The following KCNH1 variants were observed in gnomAD, a reference collection of about 807,000 sequenced individuals.
The protein encoded by KCNH1 is voltage-gated delayed rectifier potassium channel KCNH1.
In KCNH1, 27 loss-of-function variants were observed where a neutral mutation model predicts 69.2. The observed-to-expected ratio is 0.39, with a 90% CI of 0.29 to 0.54. The LOEUF is 0.54. Among genes scored for constraint, KCNH1 ranks in the 20% least tolerant of loss-of-function variants. The pLI, the probability that KCNH1 is intolerant of heterozygous loss-of-function variation, is 0.68. For synonymous variants in KCNH1, 456 were observed against 487.7 expected (o/e 0.93, Z 0.86); for missense variants, 798 against 1,261.6 (o/e 0.63, Z 5.57).
intron 7 of KCNH1, among the ~76,000 whole-genome samples, chr1:210,890,765 T>C (rs1049672671): frequency 1.3e-5 from 2 of 152,034 alleles, no homozygotes; most frequent in Admixed American, 1.3e-4. Flanking sequence ...AAGACATTTA[T>C]GCAGGCAACA....
chr1:210,718,673 C>T (rs1449619198), intron 10 of KCNH1, among the ~76,000 whole-genome samples: 15 of 141,274 alleles, frequency 1.1e-4, no homozygotes, highest in African/African-American at 3.2e-4. Context: ...CACACACACA[C>T]ACACACACAC....
At chr1:210,964,181 A>T (rs1370485326) in intron 6 of KCNH1, among the ~76,000 whole-genome samples, 1 of 152,186 alleles carries the variant, frequency 6.6e-6, no homozygotes, top group Non-Finnish European at 1.5e-5. Context: ...TTATATCCAG[A>T]CAAACTAATC....
intron 5 of KCNH1, among the ~76,000 whole-genome samples, chr1:211,060,848 A>T (rs1362742126): frequency 6.6e-6 from 1 of 152,190 alleles, no homozygotes; most frequent in Non-Finnish European, 1.5e-5. Flanking sequence ...AAAGCTTGGG[A>T]TTCCATGGCT....
intron 10 of KCNH1, among the ~76,000 whole-genome samples, chr1:210,748,312 T>G (rs150572582): frequency 6.6e-6 from 1 of 152,240 alleles, no homozygotes; most frequent in African/African-American, 2.4e-5. Flanking sequence ...CACACACATC[T>G]CACACTCAAT....
At chr1:211,036,794 T>C (rs975986262) in intron 5 of KCNH1, among the ~76,000 whole-genome samples, 8 of 152,186 alleles carry the variant, frequency 5.3e-5, no homozygotes, top group Non-Finnish European at 1.0e-4. Context: ...TTGATTAGTC[T>C]TGTACAATGG....
intron 10 of KCNH1, among the ~76,000 whole-genome samples, chr1:210,715,905 C>T (rs1007467856): frequency 4.6e-5 from 7 of 152,020 alleles, no homozygotes; most frequent in South Asian, 2.1e-4. Context: ...CATTCTCAGA[C>T]AAAAGAACGA....
intron 6 of KCNH1, among the ~76,000 whole-genome samples, chr1:210,939,795 G>T (rs1041642723): frequency 3.9e-5 from 6 of 152,178 alleles, no homozygotes; most frequent in African/African-American, 1.4e-4. Flanking sequence ...TGACTCCCAA[G>T]TATATGTTCT....
intron 6 of KCNH1, among the ~76,000 whole-genome samples, chr1:210,945,586 G>A (rs1687943780): frequency 6.6e-6 from 1 of 152,226 alleles, no homozygotes; most frequent in African/African-American, 2.4e-5. Context: ...AGTCTTCACA[G>A]TGGTCCCCAA....
intron 7 of KCNH1, among the ~76,000 whole-genome samples, chr1:210,847,268 G>T (rs975465892): frequency 1.4e-4 from 22 of 152,164 alleles, no homozygotes; most frequent in African/African-American, 5.3e-4. Flanking sequence ...CTGCTATAAA[G>T]ACACATGCAC....
chr1:210,934,638 CAA>C (rs1276655251), intron 6 of KCNH1, among the ~76,000 whole-genome samples: 1 of 127,510 alleles, frequency 7.8e-6, no homozygotes, highest in Non-Finnish European at 1.7e-5. Flanking sequence ...GACTCCGTCT[CAA>C]AAAAAAAAAA....
At chr1:211,065,840 G>A (rs571482827) in intron 5 of KCNH1, among the ~76,000 whole-genome samples, 7 of 152,136 alleles carry the variant, frequency 4.6e-5, no homozygotes, top group South Asian at 2.1e-4. Flanking sequence ...TAGGAAGACC[G>A]CTTGAGCCCA....
At chr1:210,994,656 C>T (rs185031961) in intron 6 of KCNH1, among the ~76,000 whole-genome samples, 13 of 152,250 alleles carry the variant, frequency 8.5e-5, no homozygotes, top group African/African-American at 2.6e-4. Context: ...TAATTGTAAT[C>T]GTTTAGAAAA....
rs553759353 is a variant in KCNH1, at chr1:210,984,043, C to G, written c.1032+34740G>C. Reference sequence around the variant, plus strand: ...TATTCTCTTTGCAGCAATTGTGAATCGGAGTTCACTCATGATTTGGCTCTC... The same window carrying G: ...TATTCTCTTTGCAGCAATTGTGAATGGGAGTTCACTCATGATTTGGCTCTC... On this transcript the variant is annotated intron_variant, in intron 6 of 10. Coordinates refer to ENST00000271751, the MANE Select transcript of KCNH1 (RefSeq NM_172362.3). 6.3e-3 allele frequency among the ~76,000 whole-genome samples: 963 copies of G among 152,050 alleles called. 4 individuals carry two copies. Among genetic ancestry groups the G allele is most frequent in the South Asian group, 0.013 (63 of 4,804 alleles).
chr1:210,894,030 T>C (rs898880333), intron 7 of KCNH1, among the ~76,000 whole-genome samples: 2 of 152,212 alleles, frequency 1.3e-5, no homozygotes, highest in Admixed American at 1.3e-4. Flanking sequence ...TGCCTACTAC[T>C]TCTAAAAACC....
At chr1:211,123,683 C>T (rs746401065) in intron 1 of KCNH1, among the ~76,000 whole-genome samples, 16 of 152,082 alleles carry the variant, frequency 1.1e-4, no homozygotes, top group Non-Finnish European at 8.8e-5. Flanking sequence ...AATGAAGGGA[C>T]ATAGGGCATG....
At chr1:210,832,318 G>A (rs182711554) in intron 7 of KCNH1, among the ~76,000 whole-genome samples, 1 of 152,210 alleles carries the variant, frequency 6.6e-6, no homozygotes, top group Admixed American at 6.5e-5. Flanking sequence ...CCAGTAAGTG[G>A]CATATACTGG....
intron 10 of KCNH1, among the ~76,000 whole-genome samples, chr1:210,725,277 G>T (rs549481045): frequency 6.6e-6 from 1 of 152,264 alleles, no homozygotes; most frequent in South Asian, 2.1e-4. Context: ...CCCTAGATGT[G>T]ACACATTAGG....
chr1:210,940,771 A>G, intron 6 of KCNH1, among the ~76,000 whole-genome samples: 1 of 152,250 alleles, frequency 6.6e-6, no homozygotes, highest in South Asian at 2.1e-4. Context: ...ATCAAACCAT[A>G]TCTCCATCTT....
At chr1:210,961,887 G>C (rs1688302102) in intron 6 of KCNH1, among the ~76,000 whole-genome samples, 1 of 151,928 alleles carries the variant, frequency 6.6e-6, no homozygotes, top group Non-Finnish European at 1.5e-5. Context: ...TTGTTTTAAT[G>C]CCTTGTCTGA....
Sources: allele counts gnomAD v4.1 joint callset (sites outside exome capture counted in the v4.1 genomes callset), GRCh38; gene constraint gnomAD v4.1.1; transcripts MANE v1.5; gene names NCBI Gene and HGNC (gene_info 2026-07-23, HGNC 2026-07-21).